DYNC1I2: variants seen among roughly 807,000 people sequenced by gnomAD.
DYNC1I2 encodes the protein cytoplasmic dynein 1 intermediate chain 2.
A neutral mutation model predicts 88.6 loss-of-function variants in DYNC1I2; 53 were observed. The ratio of observed to expected loss-of-function variants is 0.60; its 90% confidence interval spans 0.48 to 0.75. DYNC1I2 has a LOEUF of 0.75. Among genes scored for constraint, DYNC1I2 ranks in the 30% least tolerant of loss-of-function variants. DYNC1I2 has a pLI of 0.00. For missense variants in DYNC1I2, 458 were observed against 766.6 expected (o/e 0.60, Z 4.75); for synonymous variants, 198 against 254.6 (o/e 0.78, Z 2.12).
chr2:171,692,956 A>G, intron 3 of DYNC1I2, 62 bp downstream of exon 3: 1 of 1,140,950 alleles, frequency 8.8e-7, no homozygotes, highest in Non-Finnish European at 1.3e-6. Flanking sequence ...GCTCAGACAT[A>G]GCTGAGTGGA....
At chr2:171,702,431 C>T (rs573833273) in intron 3 of DYNC1I2, among the ~76,000 whole-genome samples, 1 of 152,098 alleles carries the variant, frequency 6.6e-6, no homozygotes, top group African/African-American at 2.4e-5. Context: ...GTAATTTGGC[C>T]TGAAAAATAC....
At chr2:171,733,927 G>A (rs916980931) in intron 15 of DYNC1I2, among the ~76,000 whole-genome samples, 7 of 151,734 alleles carry the variant, frequency 4.6e-5, no homozygotes, top group African/African-American at 1.7e-4. Flanking sequence ...TTTGTAGTTT[G>A]GGGTTTTACA....
rs1689959875 is a variant in DYNC1I2 at position 171,748,937 on chromosome 2, T to C, written c.*1048T>C. Among the ~76,000 whole-genome samples, 1 of 152,188 alleles carries C rather than the reference T, an allele frequency of 6.6e-6. No individual in the cohort carries two copies. The highest frequency in any genetic ancestry group is 1.5e-5 in the Non-Finnish European group (1 of 68,006). On this transcript the variant is annotated 3_prime_UTR_variant, in exon 18 of 18. Transcript: ENST00000397119. ...TATTGAAATCAGTGAATTTCAGGAATAGAGGAAAGGACTATGATCAGATCT... is the reference window on the plus strand; with the variant it reads ...TATTGAAATCAGTGAATTTCAGGAACAGAGGAAAGGACTATGATCAGATCT...
At chr2:171,715,240 G>C in intron 6 of DYNC1I2, 88 bp from the exon 7 acceptor site, 2 of 697,798 alleles carry the variant, frequency 2.9e-6, no homozygotes, top group Non-Finnish European at 4.7e-6. Context: ...TACAATGTTG[G>C]GTGCAAATGA....
intron 15 of DYNC1I2, among the ~76,000 whole-genome samples, chr2:171,741,064 T>C (rs1574636737): frequency 1.3e-5 from 2 of 152,178 alleles, no homozygotes; most frequent in Non-Finnish European, 2.9e-5. Context: ...AATCTTGCAA[T>C]TGTGTACTGG....
intron 3 of DYNC1I2, among the ~76,000 whole-genome samples, chr2:171,694,432 C>T (rs539889367): frequency 3.9e-5 from 6 of 152,030 alleles, no homozygotes; most frequent in Non-Finnish European, 7.4e-5. Context: ...CCGAGGTGGG[C>T]GGATCACCTG....
At chr2:171,744,349 C>G (rs927901282) in intron 16 of DYNC1I2, among the ~76,000 whole-genome samples, 160 bp downstream of exon 16, 1 of 152,184 alleles carries the variant, frequency 6.6e-6, no homozygotes, top group Non-Finnish European at 1.5e-5. Context: ...AAATAATAAA[C>G]AGCATGCTGC....
rs563158631 is a variant in DYNC1I2, at chr2:171,748,897, A to G, written c.*1008A>G. Among the ~76,000 whole-genome samples the G allele has an allele frequency of 6.6e-6, 1 of 152,330 alleles. No homozygotes were observed. The highest frequency in any genetic ancestry group is 1.9e-4 in the East Asian group (1 of 5,190). On this transcript the variant is annotated 3_prime_UTR_variant, in exon 18 of 18. Transcript: ENST00000397119. ...TACAAGTCCGAAAGGTAGGTGACAAATATCTAAGAATCAGTATTGAAATCA... is the reference window on the plus strand; with the variant it reads ...TACAAGTCCGAAAGGTAGGTGACAAGTATCTAAGAATCAGTATTGAAATCA...
intron 15 of DYNC1I2, among the ~76,000 whole-genome samples, chr2:171,734,943 A>G (rs554297682): frequency 6.6e-6 from 1 of 152,268 alleles, no homozygotes; most frequent in African/African-American, 2.4e-5. Flanking sequence ...CCTTGTTCCA[A>G]TTTCATTTTA....
At chr2:171,744,331 T>G in intron 16 of DYNC1I2, 142 bp downstream of exon 16, 1 of 907,790 alleles carries the variant, frequency 1.1e-6, no homozygotes, top group South Asian at 2.0e-5. Context: ...AAATAAGCTT[T>G]GTACCCTAAA....
chr2:171,691,413 G>A (rs1398167461), intron 2 of DYNC1I2, among the ~76,000 whole-genome samples: 5 of 152,102 alleles, frequency 3.3e-5, no homozygotes, highest in Non-Finnish European at 7.4e-5. Flanking sequence ...TGTGTCTTTA[G>A]GACCAAGTTT....
At chr2:171,705,278 A>T (rs1031548408) in intron 3 of DYNC1I2, among the ~76,000 whole-genome samples, 1 of 152,212 alleles carries the variant, frequency 6.6e-6, no homozygotes. Flanking sequence ...GTCTTTAACC[A>T]AGTAAAATAC....
At position 171,726,714 on chromosome 2, in the gene DYNC1I2, T is replaced by A. The variant is rs537835735; in HGVS notation, c.871-77T>A. The A allele has an allele frequency of 4.6e-5, 71 of 1,545,804 alleles. No individual in the cohort carries two copies. The East Asian group carries it at 1.6e-3, about 35-fold the overall frequency. Reference sequence around the variant, plus strand: ...TTGTATTTGCAGAATAATAATCTGATAAAGACAAATAACTAGGATTATAAA... The same window carrying A: ...TTGTATTTGCAGAATAATAATCTGAAAAAGACAAATAACTAGGATTATAAA... On this transcript the variant is annotated intron_variant, in intron 10 of 17. Coordinates refer to ENST00000397119, the MANE Select transcript of DYNC1I2 (RefSeq NM_001378.3).
intron 15 of DYNC1I2, among the ~76,000 whole-genome samples, chr2:171,741,909 C>G (rs531778457): frequency 6.6e-6 from 1 of 151,902 alleles, no homozygotes; most frequent in South Asian, 2.1e-4. Flanking sequence ...TGGTGAAACC[C>G]CTTCTCTACT....
At chr2:171,699,133 C>G (rs1471151943) in intron 3 of DYNC1I2, among the ~76,000 whole-genome samples, 2 of 152,078 alleles carry the variant, frequency 1.3e-5, no homozygotes, top group Non-Finnish European at 2.9e-5. Flanking sequence ...ATGGTGAAAC[C>G]CCGTCTCTAC....
chr2:171,726,652 A>G (rs1258068407), intron 10 of DYNC1I2, 139 bp from the exon 11 acceptor site: 1 of 908,366 alleles, frequency 1.1e-6, no homozygotes, highest in Non-Finnish European at 1.6e-6. Context: ...AGTAGGCATA[A>G]TGCTAGAGAT....
rs546458175 is a variant in DYNC1I2, at chr2:171,691,948, T to C, written c.109-829T>C. ...TCAACAGTGAAGCATCAGCTTGATA[T>C]TACAACCTGTTTTGTTATTTTGATT... On this transcript the variant is annotated intron_variant, in intron 2 of 17. Transcript: ENST00000397119. Among the ~76,000 whole-genome samples, 4 of 152,320 alleles carry C rather than the reference T, an allele frequency of 2.6e-5. No homozygotes were observed. In the South Asian group the frequency reaches 8.3e-4, roughly 32 times the overall value.
In DYNC1I2 at chr2:171,712,758, AC is replaced by A. The variant is rs1198247863; in HGVS notation, c.336-7del. ...GCTAATGCTTCATGGTTGTCCTACA[AC>A]CATTTAGGACGCTGCATTGGGATAC... On this transcript the variant is annotated splice_polypyrimidine_tract_variant and splice_region_variant and intron_variant, in intron 5 of 17. Transcript: ENST00000397119. 6.2e-7 allele frequency: 1 copy of A among 1,610,374 alleles called. No homozygotes were observed. The highest frequency in any genetic ancestry group is 1.1e-5 in the South Asian group (1 of 90,382).
intron 7 of DYNC1I2, among the ~76,000 whole-genome samples, chr2:171,718,949 A>G (rs937533297): frequency 5.9e-5 from 9 of 152,206 alleles, no homozygotes; most frequent in African/African-American, 2.2e-4. Flanking sequence ...TTGTAAACCA[A>G]ATATGACTGA....
Sources: allele counts gnomAD v4.1 joint callset (sites outside exome capture counted in the v4.1 genomes callset), GRCh38; gene constraint gnomAD v4.1.1; transcripts MANE v1.5; gene names NCBI Gene and HGNC (gene_info 2026-07-23, HGNC 2026-07-21).